The following CELF2 variants were observed in gnomAD, a reference collection of about 807,000 sequenced individuals.
CELF2 encodes CUG triplet repeat RNA-binding protein 2.
In CELF2, 8 loss-of-function variants were observed where a neutral mutation model predicts 62.6. The observed-to-expected ratio is 0.13, with a 90% CI of 0.07 to 0.23. The LOEUF is 0.23. CELF2 is among the 10% of genes least tolerant of loss of function. The pLI is 1.00. For missense variants in CELF2, 333 were observed against 671.0 expected (o/e 0.50, Z 5.56); for synonymous variants, 258 against 250.0 (o/e 1.03, Z -0.30).
chr10:10,691,620 C>G, the CELF2 span, among the ~76,000 whole-genome samples: 45 of 151,900 alleles, frequency 3.0e-4, no homozygotes, highest in Non-Finnish European at 4.4e-4. Context: ...TACAGTCCCA[C>G]CAACAGTGTA....
In CELF2 at chr10:11,109,985, G is replaced by A. The variant is rs569982708; in HGVS notation, c.75-55501G>A. 2.6e-5 allele frequency among the ~76,000 whole-genome samples: 4 copies of A among 152,310 alleles called. No homozygotes were observed. In the East Asian group the frequency reaches 5.8e-4, roughly 22 times the overall value. ...CTCAAAAAATGAACCTGGGCTGGAAGCGGTGGCTCATGCTTGTAATCCCAG... is the reference window on the plus strand; with the variant it reads ...CTCAAAAAATGAACCTGGGCTGGAAACGGTGGCTCATGCTTGTAATCCCAG... On this transcript the variant is annotated intron_variant, in intron 1 of 12. Transcript: ENST00000633077.
At chr10:11,102,871 T>C (rs1457288961) in intron 1 of CELF2, among the ~76,000 whole-genome samples, 1 of 152,204 alleles carries the variant, frequency 6.6e-6, no homozygotes, top group East Asian at 1.9e-4. Context: ...GTCAGTTTTT[T>C]CTTTCTCAAT....
At position 11,046,101 on chromosome 10, in the gene CELF2, C is replaced by G. The variant is rs544511995; in HGVS notation, c.74+27938C>G. On this transcript the variant is annotated intron_variant, in intron 1 of 12. Coordinates refer to ENST00000633077, the MANE Select transcript of CELF2 (RefSeq NM_001326342.2). This position sits in a 1 kb window ranked among gnomAD's most constrained non-coding sequence, Gnocchi z 4.6. Reference sequence around the variant, plus strand: ...ACCAGCTGACTTGAGCTGTCTACACCTTCCAGCTCTGTTCTATTTGCTGCT... The same window carrying G: ...ACCAGCTGACTTGAGCTGTCTACACGTTCCAGCTCTGTTCTATTTGCTGCT... Among the ~76,000 whole-genome samples the G allele has an allele frequency of 3.3e-5, 5 of 152,322 alleles. No individual in the cohort carries two copies. In the South Asian group the frequency reaches 8.3e-4, roughly 25 times the overall value.
intron 2 of CELF2, chr10:10,948,433 T>C (rs758098211): frequency 1.3e-5 from 2 of 152,130 alleles, no homozygotes; most frequent in South Asian, 2.1e-4. Context: ...GTTTCTAAAT[T>C]TGGGGGCTGC....
the CELF2 span, among the ~76,000 whole-genome samples, chr10:10,616,870 G>A: frequency 1.3e-5 from 2 of 151,782 alleles, no homozygotes; most frequent in Non-Finnish European, 2.9e-5. Flanking sequence ...CCACAGGCAT[G>A]CACCATTACG....
At chr10:10,551,891 CAT>C in the CELF2 span, among the ~76,000 whole-genome samples, 1 of 152,176 alleles carries the variant, frequency 6.6e-6, no homozygotes, top group Admixed American at 6.5e-5. Flanking sequence ...TCTTGATAAA[CAT>C]AGCTCTTTAG....
chr10:10,507,838 T>A, the CELF2 span, among the ~76,000 whole-genome samples: 1 of 152,200 alleles, frequency 6.6e-6, no homozygotes, highest in South Asian at 2.1e-4. Flanking sequence ...TAGCACATTC[T>A]AAGTGATCAG....
At chr10:11,006,593 A>G (rs2055312659) in intron 1 of CELF2, among the ~76,000 whole-genome samples, 1 of 152,210 alleles carries the variant, frequency 6.6e-6, no homozygotes, top group African/African-American at 2.4e-5. Flanking sequence ...CATAGCATGA[A>G]AAAGAGTTAA....
chr10:11,138,344 A>C (rs1395887612), intron 1 of CELF2, among the ~76,000 whole-genome samples: 1 of 152,214 alleles, frequency 6.6e-6, no homozygotes, highest in African/African-American at 2.4e-5. Context: ...AAAGTCCCAG[A>C]GTATGACATT....
At chr10:10,574,696 GT>G in the CELF2 span, among the ~76,000 whole-genome samples, 25,227 of 151,712 alleles carry the variant, frequency 0.17, 2,912 homozygotes, top group African/African-American at 0.31. Context: ...GTATGTTAAT[GT>G]TTTTTTGTTT....
chr10:10,561,037 A>G, the CELF2 span, among the ~76,000 whole-genome samples: 1 of 152,070 alleles, frequency 6.6e-6, no homozygotes, highest in Admixed American at 6.6e-5. Flanking sequence ...GAGGGGGGTG[A>G]CAGATAAAAG....
chr10:10,847,707 G>A (rs1401200456), intron 1 of CELF2, among the ~76,000 whole-genome samples: 2 of 152,182 alleles, frequency 1.3e-5, no homozygotes, highest in African/African-American at 2.4e-5. Context: ...TAAAGCAGTG[G>A]CTCTCAGCTC....
chr10:10,896,078 T>C (rs1397161529), intron 1 of CELF2, among the ~76,000 whole-genome samples: 1 of 152,202 alleles, frequency 6.6e-6, no homozygotes, highest in Non-Finnish European at 1.5e-5. Flanking sequence ...CCCCCTTTAG[T>C]ACTTAGCTTA....
intron 1 of CELF2, among the ~76,000 whole-genome samples, chr10:10,833,514 C>A (rs1255955133): frequency 6.6e-6 from 1 of 152,112 alleles, no homozygotes; most frequent in East Asian, 1.9e-4. Flanking sequence ...TAGGGGCAGG[C>A]AGCATTATCT....
intron 5 of CELF2, among the ~76,000 whole-genome samples, chr10:11,261,282 T>C (rs1205989337): frequency 6.6e-6 from 1 of 152,158 alleles, no homozygotes; most frequent in Non-Finnish European, 1.5e-5. Flanking sequence ...TAGTTTCAGG[T>C]CCTCCCTAAG....
At chr10:10,602,968 G>A in the CELF2 span, among the ~76,000 whole-genome samples, 7 of 152,128 alleles carry the variant, frequency 4.6e-5, no homozygotes, top group Middle Eastern at 3.2e-3. Flanking sequence ...GCGACTGTGC[G>A]TAGCAAGGCC....
chr10:10,901,984 A>G (rs1196920536), intron 1 of CELF2, among the ~76,000 whole-genome samples: 1 of 152,212 alleles, frequency 6.6e-6, no homozygotes, highest in Non-Finnish European at 1.5e-5. Context: ...AAAGATTCTC[A>G]ACATCATTAG....
chr10:11,103,324 AT>A (rs1309256883), intron 1 of CELF2, among the ~76,000 whole-genome samples: 3 of 129,288 alleles, frequency 2.3e-5, no homozygotes, highest in Non-Finnish European at 4.7e-5. Flanking sequence ...TTTCTTGTAC[AT>A]TATGGATTTT....
the CELF2 span, among the ~76,000 whole-genome samples, chr10:10,646,955 T>C: frequency 6.6e-6 from 1 of 152,102 alleles, no homozygotes; most frequent in African/African-American, 2.4e-5. Context: ...GTCATGCCAC[T>C]CCCCTGCTAG....
Sources: gnomAD v4.1 joint callset for allele counts (sites outside exome capture counted in the v4.1 genomes callset) on GRCh38, gnomAD v4.1.1 for gene constraint, Gnocchi (gnomAD v3.1) non-coding constraint, MANE v1.5 for transcripts, NCBI Gene and HGNC (gene_info 2026-07-23, HGNC 2026-07-21) for gene names.